DIAPH3: variants seen among roughly 807,000 people sequenced by gnomAD.
The protein encoded by DIAPH3 is diaphanous related formin 3, also known as protein diaphanous homolog 3.
DIAPH3 carries 117 observed loss-of-function variants against 144.3 expected under a neutral mutation model. The ratio of observed to expected loss-of-function variants is 0.81; its 90% confidence interval spans 0.70 to 0.95. The LOEUF is 0.95. DIAPH3 is among the 40% of genes least tolerant of loss of function. The pLI is 0.00. For synonymous variants in DIAPH3, 519 were observed against 488.9 expected (o/e 1.06, Z -0.81); for missense variants, 1,421 against 1,412.7 (o/e 1.01, Z -0.09).
At chr13:59,813,368 A>T (rs2040590293) in intron 24 of DIAPH3, among the ~76,000 whole-genome samples, 1 of 151,816 alleles carries the variant, frequency 6.6e-6, no homozygotes, top group Non-Finnish European at 1.5e-5. Flanking sequence ...AATCCCTTTA[A>T]TTCTCAAATT....
intron 13 of DIAPH3, among the ~76,000 whole-genome samples, chr13:59,982,580 T>C (rs2051086830): frequency 6.6e-6 from 1 of 151,512 alleles, no homozygotes; most frequent in Non-Finnish European, 1.5e-5. Flanking sequence ...TAGCTGAAAA[T>C]GAGAGGTGTA....
chr13:60,111,767 C>T (rs535758678), intron 3 of DIAPH3, among the ~76,000 whole-genome samples: 30 of 152,238 alleles, frequency 2.0e-4, no homozygotes, highest in African/African-American at 7.0e-4. Flanking sequence ...AAAAATATAC[C>T]GTTCGATACT....
chr13:59,683,496 A>T (rs1442824340), intron 27 of DIAPH3, among the ~76,000 whole-genome samples: 1 of 152,128 alleles, frequency 6.6e-6, no homozygotes, highest in African/African-American at 2.4e-5. Context: ...AATTAGAGGA[A>T]ATCTTCTAAT....
At chr13:59,705,387 T>C (rs971210732) in intron 27 of DIAPH3, among the ~76,000 whole-genome samples, 1 of 152,230 alleles carries the variant, frequency 6.6e-6, no homozygotes. Context: ...AATTTTTCTA[T>C]AATTGCCTTC....
chr13:59,982,144 T>C lies in DIAPH3; in HGVS notation c.1481-1285A>G, dbSNP rs987126643. On this transcript the variant is annotated intron_variant, in intron 13 of 27. Coordinates refer to ENST00000400324, the MANE Select transcript of DIAPH3 (RefSeq NM_001042517.2). ...GACATTCTCTTCTGTATTTAAATCTTTTGTATTTACTTATGAGATTATTCT... is the reference window on the plus strand; with the variant it reads ...GACATTCTCTTCTGTATTTAAATCTCTTGTATTTACTTATGAGATTATTCT... Among the ~76,000 whole-genome samples the C allele has an allele frequency of 3.3e-5, 5 of 151,672 alleles. No individual in the cohort carries two copies. In the East Asian group the frequency reaches 5.8e-4, roughly 18 times the overall value.
intron 27 of DIAPH3, among the ~76,000 whole-genome samples, chr13:59,712,363 C>A (rs1004981786): frequency 6.6e-6 from 1 of 152,172 alleles, no homozygotes; most frequent in African/African-American, 2.4e-5. Flanking sequence ...AAACAAGAGA[C>A]TCATCTGTCT....
At chr13:59,812,256 C>G (rs200635123) in intron 24 of DIAPH3, among the ~76,000 whole-genome samples, 1,148 of 10,330 alleles carry the variant, frequency 0.11, 15 homozygotes, top group East Asian at 0.16. Flanking sequence ...ATGCATCCAT[C>G]CATCCATCCA....
At chr13:59,929,004 T>C (rs1481603235) in intron 17 of DIAPH3, among the ~76,000 whole-genome samples, 2 of 152,144 alleles carry the variant, frequency 1.3e-5, no homozygotes, top group Admixed American at 1.3e-4. Context: ...CAATGTGTTT[T>C]GGTAGATATG....
chr13:59,934,216 T>A (rs1414681360), intron 17 of DIAPH3, among the ~76,000 whole-genome samples: 2 of 152,288 alleles, frequency 1.3e-5, no homozygotes, highest in East Asian at 3.9e-4. Context: ...TTGTTGGTGC[T>A]CCCTGGTTAA....
intron 17 of DIAPH3, among the ~76,000 whole-genome samples, chr13:59,934,608 A>G (rs2048175935): frequency 6.6e-6 from 1 of 152,216 alleles, no homozygotes; most frequent in African/African-American, 2.4e-5. Context: ...GAGGCTGATA[A>G]AGAGTATCAA....
intron 1 of DIAPH3, among the ~76,000 whole-genome samples, chr13:60,149,328 C>G (rs566190199): frequency 6.6e-6 from 1 of 152,232 alleles, no homozygotes; most frequent in East Asian, 1.9e-4. Context: ...AAAACTTTCT[C>G]TGAAAAAGGT....
rs56267083 is a variant in DIAPH3 at position 60,125,394 on chromosome 13, A to ATTTTTTTTTT, written c.213+7553_213+7562dup. 6.1e-3 allele frequency among the ~76,000 whole-genome samples: 594 copies of ATTTTTTTTTT among 97,764 alleles called. 21 individuals carry two copies. Among genetic ancestry groups the ATTTTTTTTTT allele is most frequent in the African/African-American group, 0.014 (338 of 24,314 alleles). The allele number at this position is 97,764 out of a possible 152,430, so 64.1% of individuals were successfully genotyped here. A position where few individuals can be genotyped will look rare whatever the true frequency, so the allele number is the denominator to read the frequency against. On this transcript the variant is annotated intron_variant, in intron 2 of 27. Transcript: ENST00000400324. ...ATCTGCATACCATCACACCCAGCTAATTTTTTTTTTTTTTTTTTTTTTTTT... is the reference window on the plus strand; with the variant it reads ...ATCTGCATACCATCACACCCAGCTAATTTTTTTTTTTTTTTTTTTTTTTTTTTTTTTTTTT...
At chr13:60,050,674 G>T (rs76180673) in intron 4 of DIAPH3, among the ~76,000 whole-genome samples, 5,555 of 152,212 alleles carry the variant, frequency 0.036, 135 homozygotes, top group East Asian at 0.075. Context: ...CCCCTGATAG[G>T]ATCTTATAAA....
At chr13:59,831,477 A>C (rs1212037602) in intron 24 of DIAPH3, among the ~76,000 whole-genome samples, 1 of 151,888 alleles carries the variant, frequency 6.6e-6, no homozygotes, top group African/African-American at 2.4e-5. Context: ...CAACATGTAC[A>C]AAGTATTGCA....
intron 15 of DIAPH3, among the ~76,000 whole-genome samples, chr13:59,972,733 T>C (rs1260564295): frequency 1.3e-5 from 2 of 152,206 alleles, no homozygotes; most frequent in African/African-American, 4.8e-5. Flanking sequence ...ATTTCTGCTC[T>C]AGAATAGTTC....
intron 24 of DIAPH3, among the ~76,000 whole-genome samples, chr13:59,821,748 C>A (rs1372690792): frequency 6.6e-6 from 1 of 152,000 alleles, no homozygotes; most frequent in African/African-American, 2.4e-5. Context: ...CTAGTATTAC[C>A]AAATCCAATT....
intron 23 of DIAPH3, among the ~76,000 whole-genome samples, chr13:59,837,322 G>A (rs903145912): frequency 6.6e-6 from 1 of 151,916 alleles, no homozygotes; most frequent in Non-Finnish European, 1.5e-5. Flanking sequence ...TTTCCTGCTG[G>A]TTGCTTTTTA....
At chr13:59,681,363 G>C (rs999072217) in intron 27 of DIAPH3, among the ~76,000 whole-genome samples, 1 of 152,144 alleles carries the variant, frequency 6.6e-6, no homozygotes, top group Non-Finnish European at 1.5e-5. Flanking sequence ...TGTAGTCCTA[G>C]CTACTTGGAA....
At chr13:59,782,417 A>G (rs1593838735) in intron 25 of DIAPH3, among the ~76,000 whole-genome samples, 1 of 152,278 alleles carries the variant, frequency 6.6e-6, no homozygotes, top group East Asian at 1.9e-4. Flanking sequence ...TAAATATCAG[A>G]AGAAATATCT....
Sources: gnomAD v4.1 joint callset for allele counts (sites outside exome capture counted in the v4.1 genomes callset) on GRCh38, gnomAD v4.1.1 for gene constraint, MANE v1.5 for transcripts, NCBI Gene and HGNC (gene_info 2026-07-23, HGNC 2026-07-21) for gene names.